The following STIM2 variants were observed in gnomAD, a reference collection of about 807,000 sequenced individuals.
STIM2 encodes the protein stromal interaction molecule 2.
Under a neutral mutation model 85.8 loss-of-function variants are expected in STIM2, and 31 were observed. The ratio of observed to expected loss-of-function variants is 0.36; its 90% CI spans 0.27 to 0.49. The LOEUF is 0.49. STIM2 is among the 20% of genes least tolerant of loss of function. The probability of loss-of-function intolerance (pLI) is 0.98; values close to 1 mark genes in which losing one functional copy is unlikely to be tolerated. For synonymous variants in STIM2, 356 were observed against 331.1 expected (o/e 1.08, Z -0.82); for missense variants, 841 against 927.6 (o/e 0.91, Z 1.21).
intron 1 of STIM2, among the ~76,000 whole-genome samples, chr4:26,903,300 C>T (rs910852286): frequency 2.0e-5 from 3 of 152,134 alleles, no homozygotes; most frequent in Non-Finnish European, 4.4e-5. Flanking sequence ...CATGTGTCTC[C>T]TTGCATCTCT....
chr4:26,863,625 C>T (rs1042571823), intron 1 of STIM2, among the ~76,000 whole-genome samples: 1 of 152,036 alleles, frequency 6.6e-6, no homozygotes. Context: ...GTGTACACTT[C>T]AGGAAGTAAA....
At chr4:27,002,504 A>G (rs1728192534) in intron 6 of STIM2, 110 bp downstream of exon 6, 1 of 717,476 alleles carries the variant, frequency 1.4e-6, no homozygotes, top group Admixed American at 3.1e-5. Flanking sequence ...ACACATCAGG[A>G]ATAGATGCAT....
chr4:27,017,700 G>T lies in STIM2; in HGVS notation c.1490-11G>T. 6.2e-7 allele frequency: 1 copy of T among 1,612,350 alleles called. No individual in the cohort carries two copies. Among genetic ancestry groups the T allele is most frequent in the South Asian group, 1.1e-5 (1 of 91,058 alleles). ...ACTTCATGAGCATGTTTCTTTCTTG[G>T]TGTTTTTCAGGGACCATGGCTAAAC... On this transcript the variant is annotated splice_polypyrimidine_tract_variant and intron_variant, in intron 10 of 11. Coordinates refer to ENST00000467087, the MANE Select transcript of STIM2 (RefSeq NM_020860.4).
intron 1 of STIM2, among the ~76,000 whole-genome samples, chr4:26,883,367 C>T (rs930944036): frequency 6.6e-6 from 1 of 152,028 alleles, no homozygotes; most frequent in Non-Finnish European, 1.5e-5. Context: ...CACTATCTTT[C>T]AAGGTCATGG....
At chr4:26,917,522 G>T (rs1403473137) in intron 1 of STIM2, among the ~76,000 whole-genome samples, 1 of 150,846 alleles carries the variant, frequency 6.6e-6, no homozygotes, top group African/African-American at 2.4e-5. Context: ...AAGTAGACTT[G>T]AGAGAGAGTA....
rs985144812 is a variant in STIM2 at position 26,954,930 on chromosome 4, C to T, written c.283-2682C>T. Among the ~76,000 whole-genome samples, 153 of 146,844 alleles carry T rather than the reference C, an allele frequency of 1.0e-3. 7 individuals carry two copies. Among genetic ancestry groups the T allele is most frequent in the Non-Finnish European group, 1.6e-3 (104 of 66,896 alleles). ...ACAGAAGTATTTTTAGATGGTAATTCCAGGGAAAATACAATTCATTGTGTT... is the reference window on the plus strand; with the variant it reads ...ACAGAAGTATTTTTAGATGGTAATTTCAGGGAAAATACAATTCATTGTGTT... On this transcript the variant is annotated intron_variant, in intron 2 of 11. Transcript: ENST00000467087.
chr4:26,949,524 A>G lies in STIM2; in HGVS notation c.283-8088A>G, dbSNP rs118093555. ...GTTTATTATATATATGTATAGTGAA[A>G]TAAAGGCCCTATAGTGGTTATGAAA... On this transcript the variant is annotated intron_variant, in intron 2 of 11. Transcript: ENST00000467087. Among the ~76,000 whole-genome samples, 86 of 152,320 alleles carry G rather than the reference A, an allele frequency of 5.6e-4. No homozygotes were observed. In the East Asian group the frequency reaches 0.012, roughly 21 times the overall value.
At chr4:26,898,532 G>A (rs1723792417) in intron 1 of STIM2, among the ~76,000 whole-genome samples, 1 of 152,066 alleles carries the variant, frequency 6.6e-6, no homozygotes, top group Admixed American at 6.6e-5. Flanking sequence ...TTGTTGCCTA[G>A]ATCCAATATA....
At position 26,995,457 on chromosome 4, in the gene STIM2, G is replaced by T. The variant is rs369386905; in HGVS notation, c.476G>T (p.Arg159Ile). 1 of 1,601,942 alleles carries T rather than the reference G, an allele frequency of 6.2e-7. No homozygotes were observed. The highest frequency in any genetic ancestry group is 8.5e-7 in the Non-Finnish European group (1 of 1,174,568). Residue 159 changes from arginine to isoleucine, a missense_variant, in exon 4 of 12, where the codon AGA (arginine) becomes ATA (isoleucine). Coordinates refer to ENST00000467087, the MANE Select transcript of STIM2 (RefSeq NM_020860.4). ...CTACCCCAATATGAGAAGAATTTTA[G>T]AGACAACAATGTCAAAGGAACGACA...
At chr4:26,948,801 T>G (rs1006907333) in intron 2 of STIM2, among the ~76,000 whole-genome samples, 2 of 152,064 alleles carry the variant, frequency 1.3e-5, no homozygotes, top group Non-Finnish European at 2.9e-5. Flanking sequence ...TTAAAGGAAA[T>G]TGTAATTAAT....
intron 1 of STIM2, among the ~76,000 whole-genome samples, chr4:26,884,754 G>C (rs1264518032): frequency 6.6e-6 from 1 of 152,134 alleles, no homozygotes; most frequent in Non-Finnish European, 1.5e-5. Flanking sequence ...CGTATATCAG[G>C]CAACTGTTCT....
intron 3 of STIM2, among the ~76,000 whole-genome samples, chr4:26,962,148 G>T (rs1726498348): frequency 6.6e-6 from 1 of 152,042 alleles, no homozygotes; most frequent in Non-Finnish European, 1.5e-5. Flanking sequence ...TTTAAATTCT[G>T]GCTCTTCTAT....
At chr4:26,876,016 A>G (rs892478853) in intron 1 of STIM2, among the ~76,000 whole-genome samples, 1 of 152,146 alleles carries the variant, frequency 6.6e-6, no homozygotes, top group Non-Finnish European at 1.5e-5. Context: ...TAGTATGTAC[A>G]CAAAGGAGCA....
chr4:27,006,902 G>A (rs1860981), intron 7 of STIM2, among the ~76,000 whole-genome samples: 149,571 of 152,326 alleles, frequency 0.98, 73,444 homozygotes, highest in East Asian at 1. Flanking sequence ...ATTATGTAGC[G>A]GAAGTGGTAA....
chr4:26,892,119 C>G (rs1723513089), intron 1 of STIM2, among the ~76,000 whole-genome samples: 1 of 152,204 alleles, frequency 6.6e-6, no homozygotes, highest in Admixed American at 6.5e-5. Context: ...TGAGGCCTCC[C>G]CAGCCATGCA....
Position 26,921,215 on chromosome 4 carries a change from C to T in STIM2, c.282+1581C>T, listed in dbSNP as rs565078392. Among the ~76,000 whole-genome samples, 21 of 152,250 alleles carry T rather than the reference C, an allele frequency of 1.4e-4. No homozygotes were observed. The East Asian group carries it at 2.9e-3, about 21-fold the overall frequency. ...AATCAAGGAATGCTAAGGATTGCTG[C>T]CAATACCAGAAGCTAAGAGAAAGGC... On this transcript the variant is annotated intron_variant, in intron 2 of 11. Coordinates refer to ENST00000467087, the MANE Select transcript of STIM2 (RefSeq NM_020860.4).
chr4:26,915,661 G>A (rs1724548017), intron 1 of STIM2, among the ~76,000 whole-genome samples: 1 of 152,216 alleles, frequency 6.6e-6, no homozygotes, highest in Non-Finnish European at 1.5e-5. Context: ...GGTGTTGATA[G>A]CTGACTTGGG....
intron 1 of STIM2, among the ~76,000 whole-genome samples, chr4:26,902,692 C>T (rs184698908): frequency 3.3e-5 from 5 of 152,228 alleles, no homozygotes; most frequent in African/African-American, 9.6e-5. Context: ...AGGAAGAATG[C>T]GGTAATTGTC....
chr4:26,928,456 T>C (rs1344830054), intron 2 of STIM2, among the ~76,000 whole-genome samples: 1 of 152,202 alleles, frequency 6.6e-6, no homozygotes, highest in Non-Finnish European at 1.5e-5. Flanking sequence ...ACAGCCTATT[T>C]GTAATTGATT....
Sources: gnomAD v4.1 joint callset for allele counts (sites outside exome capture counted in the v4.1 genomes callset) on GRCh38, gnomAD v4.1.1 for gene constraint, MANE v1.5 for transcripts, NCBI Gene and HGNC (gene_info 2026-07-23, HGNC 2026-07-21) for gene names.